Variants in FOXJ3 observed in about 807,000 individuals in gnomAD.
FOXJ3 encodes the protein forkhead box protein J3.
FOXJ3 carries 22 observed loss-of-function variants against 76.1 expected under a neutral mutation model. The ratio of observed to expected loss-of-function variants is 0.29; its 90% CI spans 0.21 to 0.41. The LOEUF (loss-of-function observed/expected upper bound fraction) is 0.41. FOXJ3 is among the 10% of genes least tolerant of loss of function. The pLI, the probability that FOXJ3 is intolerant of heterozygous loss-of-function variation, is 1.00. For synonymous variants in FOXJ3, 269 were observed against 261.2 expected (o/e 1.03, Z -0.29); for missense variants, 613 against 762.1 (o/e 0.80, Z 2.30).
intron 4 of FOXJ3, among the ~76,000 whole-genome samples, chr1:42,254,930 A>G (rs2124588352): frequency 6.6e-6 from 1 of 151,874 alleles, no homozygotes; most frequent in East Asian, 1.9e-4. Context: ...TAACCTGCAC[A>G]TTGTGCACAT....
chr1:42,206,060 G>A (rs1254330706), intron 5 of FOXJ3, 197 bp from the exon 6 acceptor site: 1 of 511,602 alleles, frequency 2.0e-6, no homozygotes, highest in Admixed American at 3.7e-5. Context: ...CCTTTGGTAT[G>A]GCTACTCTCT....
intron 1 of FOXJ3, among the ~76,000 whole-genome samples, chr1:42,318,083 G>A (rs1028226534): frequency 3.9e-5 from 6 of 152,134 alleles, no homozygotes; most frequent in African/African-American, 1.4e-4. Context: ...AATGAGATCT[G>A]ACAACTCACC....
intron 11 of FOXJ3, among the ~76,000 whole-genome samples, chr1:42,182,854 C>T (rs1646352256): frequency 6.6e-6 from 1 of 152,082 alleles, no homozygotes; most frequent in Non-Finnish European, 1.5e-5. Flanking sequence ...ATGTTCTCAC[C>T]CTCGAAGCAG....
In FOXJ3 at chr1:42,258,499, C is replaced by T. The variant is rs549633447; in HGVS notation, c.444+6616G>A. 8.5e-5 allele frequency among the ~76,000 whole-genome samples: 13 copies of T among 152,282 alleles called. No individual in the cohort carries two copies. In the South Asian group the frequency reaches 2.5e-3, roughly 29 times the overall value. ...ACAACACACAGTAAGTACTCAAAGG[C>T]AGTCTGCTTGTCTGGCTAGTTGACC... On this transcript the variant is annotated intron_variant, in intron 4 of 12. Coordinates refer to ENST00000361346, the MANE Select transcript of FOXJ3 (RefSeq NM_014947.5).
At chr1:42,236,912 A>G (rs1358078219) in intron 4 of FOXJ3, among the ~76,000 whole-genome samples, 1 of 152,228 alleles carries the variant, frequency 6.6e-6, no homozygotes. Flanking sequence ...GATGCTGTAC[A>G]TCTTTGCATG....
intron 4 of FOXJ3, among the ~76,000 whole-genome samples, chr1:42,228,255 T>C (rs1290176749): frequency 6.6e-6 from 1 of 152,150 alleles, no homozygotes; most frequent in Non-Finnish European, 1.5e-5. Flanking sequence ...TTTATAGTAA[T>C]TCTCAATTGA....
intron 5 of FOXJ3, among the ~76,000 whole-genome samples, chr1:42,222,894 C>T (rs1432519885): frequency 1.8e-4 from 27 of 152,196 alleles, no homozygotes; most frequent in Admixed American, 1.8e-3. Flanking sequence ...GGTATTCTCT[C>T]TACTTTGCTC....
intron 2 of FOXJ3, among the ~76,000 whole-genome samples, chr1:42,283,160 T>TGG (rs1333329191): frequency 6.6e-6 from 1 of 152,126 alleles, no homozygotes; most frequent in Non-Finnish European, 1.5e-5. Context: ...AATGAGAATA[T>TGG]GGGAGTAAGA....
intron 2 of FOXJ3, among the ~76,000 whole-genome samples, chr1:42,291,083 T>TAGACAGACAGACAGATAGAC (rs1653399868): frequency 3.2e-5 from 4 of 126,388 alleles, no homozygotes; most frequent in African/African-American, 1.2e-4. Context: ...GATAGATAGA[T>TAGACAGACAGACAGATAGAC]AGACAGACAG....
At chr1:42,285,414 A>G (rs1652988038) in intron 2 of FOXJ3, among the ~76,000 whole-genome samples, 1 of 149,226 alleles carries the variant, frequency 6.7e-6, no homozygotes, top group Non-Finnish European at 1.5e-5. Context: ...CTTCACATTA[A>G]AAAAAAAAAG....
intron 2 of FOXJ3, among the ~76,000 whole-genome samples, chr1:42,301,834 C>T (rs1040392041): frequency 6.6e-6 from 1 of 152,088 alleles, no homozygotes; most frequent in African/African-American, 2.4e-5. Flanking sequence ...TAGGATCCAT[C>T]GCTGAAGAGT....
intron 4 of FOXJ3, among the ~76,000 whole-genome samples, chr1:42,257,666 G>A (rs1234710833): frequency 1.3e-5 from 2 of 151,766 alleles, no homozygotes; most frequent in Admixed American, 6.6e-5. Context: ...TTGAGCCTGG[G>A]AGGCAGAGGT....
At chr1:42,265,537 T>C (rs1478681530) in intron 3 of FOXJ3, among the ~76,000 whole-genome samples, 2 of 152,206 alleles carry the variant, frequency 1.3e-5, no homozygotes, top group African/African-American at 4.8e-5. Context: ...ATTATGACTT[T>C]AATTGTGGTA....
intron 6 of FOXJ3, among the ~76,000 whole-genome samples, chr1:42,199,682 G>T (rs1389123687): frequency 2.0e-5 from 3 of 151,382 alleles, no homozygotes; most frequent in Non-Finnish European, 2.9e-5. Context: ...TAATACTGAA[G>T]ATTGGAAACA....
chr1:42,245,166 CAAAAAAAAAAA>C (rs4019583), intron 4 of FOXJ3, among the ~76,000 whole-genome samples: 1 of 122,386 alleles, frequency 8.2e-6, no homozygotes, highest in Admixed American at 8.1e-5. Context: ...AGACTCGTCT[CAAAAAAAAAAA>C]AAAAAAAACA....
intron 6 of FOXJ3, among the ~76,000 whole-genome samples, chr1:42,200,796 T>C (rs538793874): frequency 6.6e-6 from 1 of 152,290 alleles, no homozygotes; most frequent in South Asian, 2.1e-4. Flanking sequence ...AATATTTCCT[T>C]TAGCTACCGT....
intron 5 of FOXJ3, among the ~76,000 whole-genome samples, chr1:42,227,321 A>G (rs1647653851): frequency 6.6e-6 from 1 of 152,254 alleles, no homozygotes; most frequent in Non-Finnish European, 1.5e-5. Context: ...GTGCTGACTA[A>G]AAATATGTTA....
At chr1:42,228,026 AT>A in intron 4 of FOXJ3, 60 bp from the exon 5 acceptor site, 1 of 830,518 alleles carries the variant, frequency 1.2e-6, no homozygotes, top group Non-Finnish European at 1.8e-6. Context: ...ATTAAAATGG[AT>A]TTTTATAATC....
chr1:42,188,664 T>C (rs1569784329), intron 11 of FOXJ3, 73 bp downstream of exon 11: 1 of 972,758 alleles, frequency 1.0e-6, no homozygotes, highest in Non-Finnish European at 1.5e-6. Flanking sequence ...GCAAACCAAG[T>C]TGGTTAAGAC....
Sources: allele counts gnomAD v4.1 joint callset (sites outside exome capture counted in the v4.1 genomes callset), GRCh38; gene constraint gnomAD v4.1.1; transcripts MANE v1.5; gene names NCBI Gene and HGNC (gene_info 2026-07-23, HGNC 2026-07-21).